The following MTMR2 variants were observed in gnomAD, a reference collection of about 807,000 sequenced individuals.
MTMR2 encodes myotubularin related protein 2, also known as phosphatidylinositol-3,5-bisphosphate 3-phosphatase MTMR2.
In MTMR2, 55 loss-of-function variants were observed where a neutral mutation model predicts 86.9. The ratio of observed to expected loss-of-function variants is 0.63; its 90% confidence interval spans 0.51 to 0.79. The LOEUF (loss-of-function observed/expected upper bound fraction) is 0.79, where lower values mean the gene tolerates loss of function less well. Among genes scored for constraint, MTMR2 ranks in the 30% least tolerant of loss-of-function variants. The pLI, the probability that MTMR2 is intolerant of heterozygous loss-of-function variation, is 0.00. For missense variants in MTMR2, 659 were observed against 772.3 expected (o/e 0.85, Z 1.74); for synonymous variants, 241 against 266.8 (o/e 0.90, Z 0.94).
At chr11:95,879,515 T>C (rs769934132) in intron 2 of MTMR2, among the ~76,000 whole-genome samples, 1 of 152,208 alleles carries the variant, frequency 6.6e-6, no homozygotes, top group East Asian at 1.9e-4. Flanking sequence ...TTAGCAACTT[T>C]TACTTGGAAT....
intron 2 of MTMR2, among the ~76,000 whole-genome samples, chr11:95,876,376 C>T (rs1053506821): frequency 1.3e-5 from 2 of 152,170 alleles, no homozygotes; most frequent in South Asian, 2.1e-4. Flanking sequence ...AGTTACATAA[C>T]CCTCAGATAT....
chr11:95,849,635 C>T (rs1863937091), intron 9 of MTMR2, 39 bp downstream of exon 9: 1 of 1,575,608 alleles, frequency 6.3e-7, no homozygotes, highest in African/African-American at 1.3e-5. Context: ...TCAGCTGATT[C>T]ATGAAACCAT....
chr11:95,913,629 T>C (rs148383435), intron 1 of MTMR2, among the ~76,000 whole-genome samples: 2 of 152,270 alleles, frequency 1.3e-5, no homozygotes, highest in African/African-American at 2.4e-5. Context: ...CTAATCCCTC[T>C]AAGAGTGTGA....
At chr11:95,887,827 C>T (rs912722553) in intron 2 of MTMR2, 14 of 279,776 alleles carry the variant, frequency 5.0e-5, no homozygotes, top group Middle Eastern at 1.2e-3. Flanking sequence ...CTTAGAACAA[C>T]GCTTGGCACA....
intron 1 of MTMR2, among the ~76,000 whole-genome samples, chr11:95,891,699 T>C (rs949261066): frequency 6.6e-6 from 1 of 152,194 alleles, no homozygotes; most frequent in African/African-American, 2.4e-5. Context: ...TAAGCACTAA[T>C]GTATATTTCT....
intron 13 of MTMR2, 96 bp from the exon 14 acceptor site, chr11:95,836,420 C>CTCTT (rs1863289760): frequency 1.7e-6 from 2 of 1,197,778 alleles, no homozygotes; most frequent in Non-Finnish European, 2.4e-6. Context: ...TCATTAAAAT[C>CTCTT]TCTTTAGAGG....
chr11:95,887,280 A>C (rs1174330360), intron 2 of MTMR2, among the ~76,000 whole-genome samples: 1 of 152,220 alleles, frequency 6.6e-6, no homozygotes, highest in African/African-American at 2.4e-5. Context: ...TGGAATAAAA[A>C]GATTCTGACA....
chr11:95,877,097 A>C (rs2135519432), intron 2 of MTMR2, among the ~76,000 whole-genome samples: 1 of 152,330 alleles, frequency 6.6e-6, no homozygotes, highest in Middle Eastern at 3.4e-3. Flanking sequence ...CCAGAAGAGA[A>C]AAAAAGGATT....
intron 1 of MTMR2, chr11:95,912,975 C>T (rs1347821149): frequency 2.6e-5 from 4 of 152,162 alleles, no homozygotes; most frequent in Admixed American, 6.5e-5. Flanking sequence ...TCCTCATTTT[C>T]GTAAGCATGA....
intron 2 of MTMR2, among the ~76,000 whole-genome samples, chr11:95,868,662 C>T (rs1864730267): frequency 6.6e-6 from 1 of 151,634 alleles, no homozygotes. Context: ...TACCATGTTC[C>T]ACCCAAAATC....
At chr11:95,835,642 G>C (rs1420057112) in intron 14 of MTMR2, among the ~76,000 whole-genome samples, 191 bp from the exon 15 acceptor site, 2 of 151,962 alleles carry the variant, frequency 1.3e-5, no homozygotes, top group Non-Finnish European at 2.9e-5. Context: ...CAGTGCCCCT[G>C]AGTATTTCCA....
chr11:95,837,670 A>G (rs1565343734), intron 13 of MTMR2, among the ~76,000 whole-genome samples: 1 of 152,070 alleles, frequency 6.6e-6, no homozygotes, highest in Non-Finnish European at 1.5e-5. Context: ...AAAAACTCAA[A>G]AACTTAACCT....
chr11:95,836,095 C>CA (rs765931267), intron 14 of MTMR2, 53 bp downstream of exon 14: 234 of 1,522,910 alleles, frequency 1.5e-4, no homozygotes, highest in African/African-American at 8.4e-4. Context: ...TTTAAGGAGA[C>CA]AAAGTTGCAC....
At chr11:95,899,538 CAAT>C (rs1391863837) in intron 1 of MTMR2, among the ~76,000 whole-genome samples, 6 of 151,606 alleles carry the variant, frequency 4.0e-5, no homozygotes, top group African/African-American at 9.7e-5. Flanking sequence ...TGTGATACAA[CAAT>C]GTTATATATG....
At chr11:95,923,634 A>T in intron 1 of MTMR2, 4 of 1,372,632 alleles carry the variant, frequency 2.9e-6, no homozygotes, top group Non-Finnish European at 3.8e-6. Context: ...CATCGGGGAG[A>T]AAACGAGATC....
At chr11:95,853,330 A>G (rs1248665038) in intron 7 of MTMR2, among the ~76,000 whole-genome samples, 1 of 151,708 alleles carries the variant, frequency 6.6e-6, no homozygotes, top group Non-Finnish European at 1.5e-5. Flanking sequence ...ACTTTTTTCA[A>G]TTCTTACCAC....
intron 12 of MTMR2, chr11:95,839,898 C>A (rs1462252702): frequency 6.6e-6 from 1 of 152,094 alleles, no homozygotes; most frequent in African/African-American, 2.4e-5. Flanking sequence ...TAGGTTCTAT[C>A]AAAAATACAG....
rs1158293839 is a variant in MTMR2 at position 95,870,731 on chromosome 11, C to CTTTTTTT, written c.187-5056_187-5055insAAAAAAA. On this transcript the variant is annotated intron_variant, in intron 2 of 14. Transcript: ENST00000346299. ...TTTTTTTTTTTAAGGTTCTTTTTTT[C>CTTTTTTT]TTTTTCTTTTTTTTTTTATTATACT... Among the ~76,000 whole-genome samples the CTTTTTTT allele has an allele frequency of 3.6e-4, 47 of 129,900 alleles. 1 individual carries two copies. Among genetic ancestry groups the CTTTTTTT allele is most frequent in the African/African-American group, 7.5e-4 (25 of 33,320 alleles). The allele number at this position is 129,900 out of a possible 152,430, so 85.2% of individuals were successfully genotyped here.
intron 12 of MTMR2, chr11:95,839,894 C>T (rs1863465697): frequency 6.6e-6 from 1 of 152,128 alleles, no homozygotes; most frequent in Non-Finnish European, 1.5e-5. Flanking sequence ...ATTTTAGGTT[C>T]TATCAAAAAT....
Sources: allele counts gnomAD v4.1 joint callset (sites outside exome capture counted in the v4.1 genomes callset), GRCh38; gene constraint gnomAD v4.1.1; transcripts MANE v1.5; gene names NCBI Gene and HGNC (gene_info 2026-07-23, HGNC 2026-07-21).